Variants in HK2 observed in about 807,000 individuals in gnomAD.
HK2 encodes the protein hexokinase 2.
Under a neutral mutation model 92.9 loss-of-function variants are expected in HK2, and 42 were observed. That is an observed-to-expected ratio of 0.45 (90% CI 0.35 to 0.58). HK2 has a LOEUF of 0.58. Among genes scored for constraint, HK2 ranks in the 20% least tolerant of loss-of-function variants. The pLI is 0.00. For missense variants in HK2, 978 were observed against 1,245.1 expected, an observed-to-expected ratio of 0.79 and a Z score of 3.23; for synonymous variants, 422 against 468.0, an observed-to-expected ratio of 0.90 and a Z score of 1.27.
In HK2 at chr2:74,890,999, T is replaced by C; in HGVS notation, c.*58T>C. The C allele has an allele frequency of 6.3e-7, 1 of 1,584,736 alleles. No homozygotes were observed. The highest frequency in any genetic ancestry group is 8.6e-7 in the Non-Finnish European group (1 of 1,164,228). On this transcript the variant is annotated 3_prime_UTR_variant, in exon 18 of 18. Coordinates refer to ENST00000290573, the MANE Select transcript of HK2 (RefSeq NM_000189.5). ...TCTCCTTCTTCCCTGTTTTAAATTATAAGATGTCATCCCCTTGTGTCAGAG... is the reference window on the plus strand; with the variant it reads ...TCTCCTTCTTCCCTGTTTTAAATTACAAGATGTCATCCCCTTGTGTCAGAG...
chr2:74,851,492 G>A (rs1467735622), intron 1 of HK2, among the ~76,000 whole-genome samples: 1 of 152,228 alleles, frequency 6.6e-6, no homozygotes, highest in African/African-American at 2.4e-5. Flanking sequence ...TCTTGAAACA[G>A]TTTAAACATC....
intron 1 of HK2, among the ~76,000 whole-genome samples, chr2:74,841,842 G>A (rs981623296): frequency 1.3e-5 from 2 of 152,250 alleles, no homozygotes; most frequent in African/African-American, 4.8e-5. Flanking sequence ...CATGAGCCAG[G>A]CTTCCCAACA....
chr2:74,861,401 C>A (rs1197864258), intron 2 of HK2, among the ~76,000 whole-genome samples: 2 of 146,768 alleles, frequency 1.4e-5, no homozygotes, highest in African/African-American at 2.5e-5. Flanking sequence ...GCCTGGGCGA[C>A]AGAGTGAGAC....
intron 9 of HK2, among the ~76,000 whole-genome samples, chr2:74,879,583 C>G (rs1003555683): frequency 6.6e-6 from 1 of 152,146 alleles, no homozygotes; most frequent in Non-Finnish European, 1.5e-5. Flanking sequence ...TGCTAAGAGG[C>G]AGATTCTGAT....
intron 12 of HK2, 30 bp downstream of exon 12, chr2:74,882,269 G>A (rs1168897311): frequency 1.9e-6 from 3 of 1,613,348 alleles, no homozygotes; most frequent in African/African-American, 2.7e-5. Flanking sequence ...GGGCTCTCCT[G>A]TGGGCTTTAT....
At chr2:74,838,257 A>G (rs1434920985) in intron 1 of HK2, among the ~76,000 whole-genome samples, 3 of 152,138 alleles carry the variant, frequency 2.0e-5, no homozygotes, top group African/African-American at 7.2e-5. Context: ...AGTGAGTACA[A>G]GAGTAAAGGA....
chr2:74,839,944 G>A (rs1475871959), intron 1 of HK2, among the ~76,000 whole-genome samples: 5 of 143,996 alleles, frequency 3.5e-5, no homozygotes, highest in African/African-American at 1.0e-4. Flanking sequence ...GAGCCACTGC[G>A]CCTGGCCTTT....
rs1688119533 is a variant in HK2 at position 74,834,989 on chromosome 2, G to C, written c.63+346G>C. Reference sequence around the variant, plus strand: ...GATTGCTGCGCCCACGTGGGAGGGAGCCCCCTTCTGCAGCGCGAGTTCCGG... The same window carrying C: ...GATTGCTGCGCCCACGTGGGAGGGACCCCCCTTCTGCAGCGCGAGTTCCGG... On this transcript the variant is annotated intron_variant, in intron 1 of 17. Transcript: ENST00000290573. The surrounding 1 kb of genome is among the most constrained non-coding windows in gnomAD (Gnocchi z 4.2). 6.6e-6 allele frequency among the ~76,000 whole-genome samples: 1 copy of C among 152,208 alleles called. No homozygotes were observed. Among genetic ancestry groups the C allele is most frequent in the Non-Finnish European group, 1.5e-5 (1 of 68,044 alleles).
At chr2:74,889,542 TTC>T (rs1476145428) in intron 17 of HK2, 64 bp downstream of exon 17, 3 of 1,092,222 alleles carry the variant, frequency 2.7e-6, no homozygotes, top group Non-Finnish European at 2.8e-6. Context: ...TCCCTTTTCT[TTC>T]TCTCTTTCCT....
At chr2:74,838,966 T>C (rs1209504956) in intron 1 of HK2, among the ~76,000 whole-genome samples, 1 of 152,176 alleles carries the variant, frequency 6.6e-6, no homozygotes, top group Non-Finnish European at 1.5e-5. Flanking sequence ...ATTGACCAAA[T>C]TGTTTTAATA....
chr2:74,856,568 A>G, intron 2 of HK2, among the ~76,000 whole-genome samples: 1 of 152,204 alleles, frequency 6.6e-6, no homozygotes, highest in Non-Finnish European at 1.5e-5. Context: ...TTCACCCAGC[A>G]CTAACACTAA....
At chr2:74,849,910 A>G (rs2103868100) in intron 1 of HK2, among the ~76,000 whole-genome samples, 1 of 152,348 alleles carries the variant, frequency 6.6e-6, no homozygotes, top group East Asian at 1.9e-4. Flanking sequence ...ACCACCAGCT[A>G]CAAATCAAGG....
At chr2:74,883,754 A>C (rs1370231942) in intron 12 of HK2, among the ~76,000 whole-genome samples, 1 of 152,256 alleles carries the variant, frequency 6.6e-6, no homozygotes, top group African/African-American at 2.4e-5. Flanking sequence ...TTTATGCCTC[A>C]TGTGGACAAA....
intron 4 of HK2, 77 bp downstream of exon 4, chr2:74,872,496 CTGTGGT>C: frequency 6.4e-7 from 1 of 1,555,498 alleles, no homozygotes. Context: ...GAGCCACCTG[CTGTGGT>C]GGTGGTGGTA....
At position 74,889,362 on chromosome 2, in the gene HK2, C is replaced by T. The variant is rs113781401; in HGVS notation, c.2493C>T (p.Ala831=). ...EVCTVVARRA[A]QLCGAGMAAV... is the part of the protein sequence containing the mutation. ...GCACTGTGGTGGCCCGGCGGGCAGCCCAGCTCTGTGGCGCAGGCATGGCCG... is the reference window on the plus strand; with the variant it reads ...GCACTGTGGTGGCCCGGCGGGCAGCTCAGCTCTGTGGCGCAGGCATGGCCG... Residue 831 remains alanine (A), a synonymous_variant, in exon 17 of 18, where the codon GCC becomes GCT. Transcript: ENST00000290573. 566 of 1,614,164 alleles carry T rather than the reference C, an allele frequency of 3.5e-4. 3 individuals carry two copies. In the African/African-American group the frequency reaches 7.0e-3, roughly 20 times the overall value.
intron 2 of HK2, among the ~76,000 whole-genome samples, chr2:74,858,534 A>AT: frequency 6.6e-6 from 1 of 152,352 alleles, no homozygotes; most frequent in South Asian, 2.1e-4. Context: ...TGACTTTCTC[A>AT]CATGTGTTAC....
rs1689537893 is a variant in HK2 at position 74,886,375 on chromosome 2, G to A, written c.2017G>A (p.Glu673Lys). The A allele has an allele frequency of 1.2e-6, 2 of 1,614,032 alleles. No homozygotes were observed. The highest frequency in any genetic ancestry group is 2.7e-5 in the African/African-American group (2 of 74,920). ...CTGTGGCTTTGAAGACCCTCACTGT[G>A]AAGTTGGCCTCATTGTTGGTAAGGA... ...MTCGFEDPHC[E>K]VGLIVGTGSN... Residue 673 changes from glutamate to lysine, a missense_variant, in exon 14 of 18, where the codon GAA (glutamate) becomes AAA (lysine). This residue lies in a region of HK2 where 742 missense variants were observed against 922.5 expected (regional missense o/e 0.80). Coordinates refer to ENST00000290573, the MANE Select transcript of HK2 (RefSeq NM_000189.5).
chr2:74,847,032 A>G (rs552760275), intron 1 of HK2, among the ~76,000 whole-genome samples: 2 of 152,220 alleles, frequency 1.3e-5, no homozygotes, highest in Non-Finnish European at 2.9e-5. Flanking sequence ...TCTAGAAACT[A>G]AAAGGTAGGA....
intron 16 of HK2, among the ~76,000 whole-genome samples, chr2:74,888,470 C>T (rs898765688): frequency 6.6e-5 from 10 of 152,246 alleles, no homozygotes; most frequent in African/African-American, 2.4e-4. Flanking sequence ...GTTGGAACGT[C>T]AGGCAATGCA....
Sources: allele counts gnomAD v4.1 joint callset (sites outside exome capture counted in the v4.1 genomes callset), GRCh38; gene constraint gnomAD v4.1.1; regional missense constraint gnomAD v4.1.1; non-coding constraint Gnocchi (gnomAD v3.1); transcripts MANE v1.5; gene names NCBI Gene and HGNC (gene_info 2026-07-23, HGNC 2026-07-21).